PTPRR: variants seen among roughly 807,000 people sequenced by gnomAD.
PTPRR encodes the protein protein tyrosine phosphatase receptor type R, also known as receptor-type tyrosine-protein phosphatase R.
PTPRR carries 38 observed loss-of-function variants against 77.2 expected under a neutral mutation model. That is an observed-to-expected ratio of 0.49 (90% CI 0.38 to 0.65). The LOEUF is 0.65. Among genes scored for constraint, PTPRR ranks in the 30% least tolerant of loss-of-function variants. The pLI, the probability that PTPRR is intolerant of heterozygous loss-of-function variation, is 0.00. For synonymous variants in PTPRR, 299 were observed against 283.1 expected (o/e 1.06, Z -0.57); for missense variants, 744 against 799.2 (o/e 0.93, Z 0.83).
chr12:70,903,454 T>A (rs1444243396), intron 1 of PTPRR, among the ~76,000 whole-genome samples: 2 of 151,838 alleles, frequency 1.3e-5, no homozygotes, highest in Admixed American at 6.6e-5. Flanking sequence ...AGAGAAAGTA[T>A]TACCATTTGA....
chr12:70,839,444 C>T (rs1402898076), intron 2 of PTPRR, among the ~76,000 whole-genome samples: 1 of 152,018 alleles, frequency 6.6e-6, no homozygotes, highest in Admixed American at 6.6e-5. Context: ...TGTGCAACTG[C>T]AACATTTTCT....
chr12:70,869,457 G>A (rs1337833806), intron 2 of PTPRR, among the ~76,000 whole-genome samples: 1 of 152,146 alleles, frequency 6.6e-6, no homozygotes, highest in Non-Finnish European at 1.5e-5. Flanking sequence ...TATTATCCAT[G>A]GAGAAATCAA....
intron 2 of PTPRR, among the ~76,000 whole-genome samples, chr12:70,877,457 T>C (rs1893070530): frequency 6.6e-6 from 1 of 152,050 alleles, no homozygotes; most frequent in Non-Finnish European, 1.5e-5. Context: ...CCAGAAAGAA[T>C]CAAATGAGGT....
At chr12:70,654,051 A>G (rs1338221754) in intron 13 of PTPRR, among the ~76,000 whole-genome samples, 1 of 152,212 alleles carries the variant, frequency 6.6e-6, no homozygotes, top group Non-Finnish European at 1.5e-5. Context: ...GGATAGGGAA[A>G]TTTGAATGTT....
At chr12:70,842,111 C>T (rs1035787934) in intron 2 of PTPRR, among the ~76,000 whole-genome samples, 7 of 152,164 alleles carry the variant, frequency 4.6e-5, no homozygotes, top group Non-Finnish European at 7.3e-5. Flanking sequence ...CAAAAATGTA[C>T]GTATGCCCAA....
At chr12:70,714,430 G>A (rs1166375350) in intron 6 of PTPRR, among the ~76,000 whole-genome samples, 5 of 151,906 alleles carry the variant, frequency 3.3e-5, no homozygotes, top group Admixed American at 1.3e-4. Flanking sequence ...AATTGCCCAC[G>A]CACTTACAAA....
chr12:70,920,531 G>T lies in PTPRR; in HGVS notation c.-141C>A. 1.4e-6 allele frequency: 1 copy of T among 733,992 alleles called. No individual in the cohort carries two copies. The highest frequency in any genetic ancestry group is 2.3e-6 in the Non-Finnish European group (1 of 436,800). The allele number at this position is 733,992 out of a possible 1,614,324, so 45.5% of individuals were successfully genotyped here. ...CTGGGGTTTGCAGAGCAGTCAGTCT[G>T]TGGCGCCGACAGAAACCAGCACCAG... On this transcript the variant is annotated 5_prime_UTR_variant, in exon 1 of 14. Transcript: ENST00000283228.
At chr12:70,722,775 CCT>C (rs748555752) in intron 6 of PTPRR, among the ~76,000 whole-genome samples, 24 of 152,216 alleles carry the variant, frequency 1.6e-4, no homozygotes, top group African/African-American at 5.5e-4. Context: ...TTCCTTGCCC[CCT>C]GTTTCACAGT....
At chr12:70,859,270 T>G (rs1892707992) in intron 2 of PTPRR, among the ~76,000 whole-genome samples, 1 of 152,054 alleles carries the variant, frequency 6.6e-6, no homozygotes, top group Non-Finnish European at 1.5e-5. Context: ...TAGAGTAGCT[T>G]TAAACAATAT....
chr12:70,869,378 C>T (rs12302581), intron 2 of PTPRR, among the ~76,000 whole-genome samples: 33,444 of 151,756 alleles, frequency 0.22, 3,930 homozygotes, highest in East Asian at 0.4. Context: ...GAGACTCACA[C>T]GAGGGGAACT....
At chr12:70,877,172 T>G (rs1282703758) in intron 2 of PTPRR, among the ~76,000 whole-genome samples, 3 of 152,258 alleles carry the variant, frequency 2.0e-5, no homozygotes, top group Admixed American at 2.0e-4. Flanking sequence ...AAGTAGGGCT[T>G]CGGTCAGGCC....
intron 2 of PTPRR, among the ~76,000 whole-genome samples, chr12:70,891,469 A>G (rs1483075927): frequency 6.6e-6 from 1 of 152,128 alleles, no homozygotes; most frequent in Non-Finnish European, 1.5e-5. Flanking sequence ...AACATCTGCT[A>G]CTCATGTAAA....
At chr12:70,791,529 T>TA in intron 2 of PTPRR, among the ~76,000 whole-genome samples, 1 of 152,324 alleles carries the variant, frequency 6.6e-6, no homozygotes, top group South Asian at 2.1e-4. Flanking sequence ...TGATGTATTA[T>TA]ATTCTGTTCC....
At chr12:70,782,801 C>T (rs1055342845) in intron 2 of PTPRR, among the ~76,000 whole-genome samples, 10 of 151,902 alleles carry the variant, frequency 6.6e-5, no homozygotes, top group East Asian at 1.9e-4. Context: ...CAAAGCTGTA[C>T]GTTGTGAACA....
intron 13 of PTPRR, among the ~76,000 whole-genome samples, chr12:70,652,556 T>C (rs1297067547): frequency 6.6e-6 from 1 of 152,212 alleles, no homozygotes; most frequent in Non-Finnish European, 1.5e-5. Flanking sequence ...GAAATCAGAA[T>C]GATTTTGATG....
chr12:70,835,905 C>T (rs1892294355), intron 2 of PTPRR, among the ~76,000 whole-genome samples: 1 of 152,096 alleles, frequency 6.6e-6, no homozygotes, highest in Non-Finnish European at 1.5e-5. Flanking sequence ...CAGTAAACTC[C>T]TACTTAGCTA....
chr12:70,645,053 G>A (rs901213693), intron 13 of PTPRR, among the ~76,000 whole-genome samples: 2 of 152,190 alleles, frequency 1.3e-5, no homozygotes, highest in African/African-American at 4.8e-5. Context: ...ATGTCTGGCT[G>A]AAGGCTATTC....
chr12:70,654,232 A>G (rs1886495046), intron 13 of PTPRR, among the ~76,000 whole-genome samples: 2 of 152,172 alleles, frequency 1.3e-5, no homozygotes, highest in Admixed American at 1.3e-4. Flanking sequence ...TTGAAATGCC[A>G]GGACATAGCA....
intron 2 of PTPRR, among the ~76,000 whole-genome samples, chr12:70,890,047 C>T (rs1306875883): frequency 1.3e-5 from 2 of 152,086 alleles, no homozygotes; most frequent in Non-Finnish European, 2.9e-5. Context: ...CTCTGGGTTC[C>T]CTCCTTCCTG....
Sources: allele counts gnomAD v4.1 joint callset (sites outside exome capture counted in the v4.1 genomes callset), GRCh38; gene constraint gnomAD v4.1.1; transcripts MANE v1.5; gene names NCBI Gene and HGNC (gene_info 2026-07-23, HGNC 2026-07-21).